Variants in TSNARE1 observed in about 807,000 individuals in gnomAD.
TSNARE1 encodes t-SNARE domain containing 1.
Under a neutral mutation model 62.0 loss-of-function variants are expected in TSNARE1, and 49 were observed. The ratio of observed to expected loss-of-function variants is 0.79; its 90% CI spans 0.63 to 1.00. TSNARE1 has a LOEUF of 1.00. Among genes scored for constraint, TSNARE1 ranks in the 50% least tolerant of loss-of-function variants. The probability of loss-of-function intolerance (pLI) is 0.00; values close to 1 mark genes in which losing one functional copy is unlikely to be tolerated. For synonymous variants in TSNARE1, 328 were observed against 294.4 expected (o/e 1.11, Z -1.17); for missense variants, 755 against 700.1 (o/e 1.08, Z -0.88).
At chr8:142,275,810 G>T in intron 11 of TSNARE1, 4 of 985,232 alleles carry the variant, frequency 4.1e-6, no homozygotes, top group Non-Finnish European at 4.8e-6. Flanking sequence ...GCCTGGGATA[G>T]AGAGGCCATT....
intron 9 of TSNARE1, among the ~76,000 whole-genome samples, chr8:142,301,022 C>T (rs931247528): frequency 2.2e-4 from 18 of 82,540 alleles, no homozygotes; most frequent in South Asian, 8.1e-4. Context: ...GAACTGAAAA[C>T]GCGACAACAG....
intron 1 of TSNARE1, among the ~76,000 whole-genome samples, chr8:142,378,229 A>G (rs1836483806): frequency 6.6e-6 from 1 of 152,234 alleles, no homozygotes; most frequent in East Asian, 1.9e-4. Context: ...ACAAGGGAGA[A>G]GGCGCGGACG....
chr8:142,278,771 C>T lies in TSNARE1; in HGVS notation c.1364-3908G>A, dbSNP rs1049949930. The T allele has an allele frequency of 4.1e-6, 4 of 985,272 alleles. No individual in the cohort carries two copies. In the African/African-American group the frequency reaches 7.0e-5, roughly 17 times the overall value. The allele number at this position is 985,272 out of a possible 1,614,324, so 61.0% of individuals were successfully genotyped here. On this transcript the variant is annotated intron_variant, in intron 11 of 13. Coordinates refer to ENST00000524325, the MANE Select transcript of TSNARE1 (RefSeq NM_145003.5). ...AGCGTGCCTGACAGGCTGAGAGTCA[C>T]CGGACAGCACCACGTGTGGGGCTTC...
intron 12 of TSNARE1, chr8:142,269,658 C>A: frequency 1.0e-6 from 1 of 985,290 alleles, no homozygotes; most frequent in African/African-American, 1.7e-5. Flanking sequence ...GGACAAGAAC[C>A]CAGAATGAAG....
At chr8:142,257,127 T>C (rs1818625044) in intron 12 of TSNARE1, among the ~76,000 whole-genome samples, 1 of 152,278 alleles carries the variant, frequency 6.6e-6, no homozygotes, top group South Asian at 2.1e-4. Flanking sequence ...GCGGTGTCCC[T>C]CATCACCTCT....
intron 2 of TSNARE1, among the ~76,000 whole-genome samples, chr8:142,352,635 G>A (rs1227325740): frequency 6.6e-6 from 1 of 152,274 alleles, no homozygotes; most frequent in African/African-American, 2.4e-5. Flanking sequence ...GCGCAACGTG[G>A]AGGCTCTCAG....
intron 12 of TSNARE1, 116 bp downstream of exon 12, chr8:142,274,665 T>C: frequency 7.3e-7 from 1 of 1,371,316 alleles, no homozygotes; most frequent in Non-Finnish European, 9.4e-7. Context: ...CCTGTGGGCA[T>C]GCCCCTCCCA....
At chr8:142,294,863 T>A (rs1178681139) in intron 10 of TSNARE1, among the ~76,000 whole-genome samples, 1 of 152,112 alleles carries the variant, frequency 6.6e-6, no homozygotes, top group Non-Finnish European at 1.5e-5. Flanking sequence ...AAGCTCACAC[T>A]CCCGGTGATG....
chr8:142,263,967 A>G (rs1204730751), intron 12 of TSNARE1, among the ~76,000 whole-genome samples: 1 of 151,994 alleles, frequency 6.6e-6, no homozygotes, highest in Non-Finnish European at 1.5e-5. Context: ...TCTTCCTTCT[A>G]TTTCTTTGGG....
rs1563952570 is a variant in TSNARE1, at chr8:142,343,785, A to AGGAGGG, written c.745+180_745+181insCCCTCC. Among the ~76,000 whole-genome samples the AGGAGGG allele has an allele frequency of 9.1e-4, 59 of 64,880 alleles. 4 individuals are homozygous for AGGAGGG. Among genetic ancestry groups the AGGAGGG allele is most frequent in the African/African-American group, 5.3e-3 (45 of 8,556 alleles). 42.6% of individuals were successfully genotyped at this position (64,880 alleles called of 152,430 possible). The stretch of plus-strand genomic sequence containing the variant: ...AGGAGGGGAGAAGAGGAGGAGGAGG[A>AGGAGGG]GGAGGAGGAGGGGGAGGAGGAGGAG... On this transcript the variant is annotated intron_variant, in intron 4 of 13. Coordinates refer to ENST00000524325, the MANE Select transcript of TSNARE1 (RefSeq NM_145003.5).
chr8:142,258,348 C>T (rs1292466487), intron 12 of TSNARE1, among the ~76,000 whole-genome samples: 3 of 152,232 alleles, frequency 2.0e-5, no homozygotes, highest in Non-Finnish European at 4.4e-5. Context: ...CCCACTGCTG[C>T]CCCGAGTGCA....
intron 12 of TSNARE1, among the ~76,000 whole-genome samples, chr8:142,266,925 A>G (rs1026686269): frequency 2.6e-5 from 4 of 152,180 alleles, no homozygotes; most frequent in African/African-American, 7.2e-5. Flanking sequence ...GTTTGCTATT[A>G]CTAACTTCAT....
intron 6 of TSNARE1, among the ~76,000 whole-genome samples, chr8:142,324,380 C>G (rs1013935007): frequency 6.6e-6 from 1 of 152,166 alleles, no homozygotes; most frequent in Admixed American, 6.5e-5. Context: ...GCTGCCAGCT[C>G]GGCGGCTCCT....
At chr8:142,317,016 G>A (rs939523771) in intron 7 of TSNARE1, among the ~76,000 whole-genome samples, 9 of 151,960 alleles carry the variant, frequency 5.9e-5, no homozygotes, top group East Asian at 1.9e-4. Flanking sequence ...ACAGATTGGC[G>A]TCTCGCTCAC....
intron 12 of TSNARE1, among the ~76,000 whole-genome samples, chr8:142,248,247 G>A (rs560617779): frequency 2.0e-5 from 3 of 152,298 alleles, no homozygotes; most frequent in East Asian, 3.9e-4. Context: ...GTAAATCTCT[G>A]CTCTTTAGAA....
rs533823830 is a variant in TSNARE1 at position 142,289,153 on chromosome 8, G to A, written c.1291-4668C>T. ...AGCCCACTCGGAGGCACCCCCTGCC[G>A]AGGCGCTCACTGATAAGTGAACATC... On this transcript the variant is annotated intron_variant, in intron 10 of 13. Coordinates refer to ENST00000524325, the MANE Select transcript of TSNARE1 (RefSeq NM_145003.5). Among the ~76,000 whole-genome samples the A allele has an allele frequency of 1.1e-4, 17 of 152,324 alleles. No homozygotes were observed. In the South Asian group the frequency reaches 1.9e-3, roughly 17 times the overall value.
chr8:142,364,753 C>T (rs781553790), intron 1 of TSNARE1, among the ~76,000 whole-genome samples: 1 of 152,072 alleles, frequency 6.6e-6, no homozygotes, highest in Non-Finnish European at 1.5e-5. Context: ...CAAATCTGGA[C>T]AATCTGAGCA....
intron 1 of TSNARE1, among the ~76,000 whole-genome samples, chr8:142,356,613 A>G (rs974779415): frequency 2.0e-5 from 3 of 152,228 alleles, no homozygotes; most frequent in Non-Finnish European, 4.4e-5. Flanking sequence ...CTATCCAGAG[A>G]GAAAACTTTA....
At chr8:142,226,504 C>T (rs918077679) in intron 13 of TSNARE1, among the ~76,000 whole-genome samples, 3 of 152,148 alleles carry the variant, frequency 2.0e-5, no homozygotes, top group African/African-American at 7.2e-5. Flanking sequence ...ACCTTTGCTA[C>T]GAGGACTCAG....
Sources: gnomAD v4.1 joint callset for allele counts (sites outside exome capture counted in the v4.1 genomes callset) on GRCh38, gnomAD v4.1.1 for gene constraint, MANE v1.5 for transcripts, NCBI Gene and HGNC (gene_info 2026-07-23, HGNC 2026-07-21) for gene names.